KCNC4: variants seen among roughly 807,000 people sequenced by gnomAD.
KCNC4 encodes voltage-gated potassium channel KCNC4.
Under a neutral mutation model 42.8 loss-of-function variants are expected in KCNC4, and 23 were observed. That is an observed-to-expected ratio of 0.54 (90% CI 0.39 to 0.76). KCNC4 has a LOEUF of 0.76. Ranked by LOEUF, KCNC4 falls within the 30% of genes least tolerant of loss-of-function variation. KCNC4 has a pLI of 0.00. For synonymous variants in KCNC4, 422 were observed against 393.5 expected (o/e 1.07, Z -0.86); for missense variants, 751 against 898.2 (o/e 0.84, Z 2.10).
intron 1 of KCNC4, among the ~76,000 whole-genome samples, chr1:110,215,334 C>T (rs1007894407): frequency 1.3e-5 from 2 of 152,094 alleles, no homozygotes; most frequent in African/African-American, 4.8e-5. Context: ...GGAACAGGTA[C>T]GAGGGGCAGG....
At chr1:110,253,650 T>C (rs979136199), downstream of KCNC4, among the ~76,000 whole-genome samples, 1 of 152,218 alleles carries the variant, frequency 6.6e-6, no homozygotes, top group African/African-American at 2.4e-5. Flanking sequence ...CTCTTTCCTC[T>C]GCTCAGGCCA....
chr1:110,231,994 G>T (rs1305445298), intron 3 of KCNC4, among the ~76,000 whole-genome samples: 2 of 152,156 alleles, frequency 1.3e-5, no homozygotes, highest in African/African-American at 4.8e-5. Context: ...GAGAGCTGCA[G>T]GGGTTGTCCC....
At chr1:110,261,045 A>G (rs564336791) in intron 1 of KCNC4, among the ~76,000 whole-genome samples, 30 of 152,288 alleles carry the variant, frequency 2.0e-4, no homozygotes, top group Non-Finnish European at 3.5e-4. Context: ...AGCTAATGAT[A>G]GCAGAAAATT....
chr1:110,216,050 TGAAGG>T (rs780255431), intron 1 of KCNC4, among the ~76,000 whole-genome samples: 5 of 152,002 alleles, frequency 3.3e-5, no homozygotes, highest in African/African-American at 4.8e-5. Context: ...ATAGGAAAAA[TGAAGG>T]GAGGCGTGGC....
intron 1 of KCNC4, among the ~76,000 whole-genome samples, chr1:110,254,372 C>A (rs1027160043): frequency 2.0e-5 from 3 of 152,206 alleles, no homozygotes; most frequent in Non-Finnish European, 4.4e-5. Flanking sequence ...GTGGCATCTT[C>A]ATGTGATTCA....
downstream of KCNC4, chr1:110,234,512 G>C (rs889648637): frequency 6.6e-6 from 1 of 152,294 alleles, no homozygotes; most frequent in East Asian, 1.9e-4. Flanking sequence ...TAGGGATGGA[G>C]AGTGAACACA....
chr1:110,223,980 A>C lies in KCNC4; in HGVS notation c.1615+80A>C. 10 of 1,149,232 alleles carry C rather than the reference A, an allele frequency of 8.7e-6. No homozygotes were observed. The highest frequency in any genetic ancestry group is 1.2e-5 in the Non-Finnish European group (10 of 812,950). The allele number at this position is 1,149,232 out of a possible 1,614,324, so 71.2% of individuals were successfully genotyped here. ...TTCCAAATGGACCTCAGACCTTGGG[A>C]TTTGGCATGTGTTTTGTGTGGGGCT... On this transcript the variant is annotated intron_variant, in intron 2 of 3. Transcript: ENST00000438661. The surrounding 1 kb of genome is among the most constrained non-coding windows in gnomAD (Gnocchi z 7.5).
chr1:110,259,393 G>A (rs1659388400), intron 1 of KCNC4, among the ~76,000 whole-genome samples: 1 of 152,198 alleles, frequency 6.6e-6, no homozygotes, highest in African/African-American at 2.4e-5. Context: ...GAAGAGCCCA[G>A]ACATTGCTAC....
chr1:110,211,641 G>C lies in KCNC4; in HGVS notation c.142G>C (p.Glu48Gln). 4 of 1,613,818 alleles carry C rather than the reference G, an allele frequency of 2.5e-6. No homozygotes were observed. Among genetic ancestry groups the C allele is most frequent in the Non-Finnish European group, 3.4e-6 (4 of 1,179,932 alleles). The change falls in exon 1 of 4, where the codon GAG becomes CAG. Residue 48 changes from glutamate to glutamine, a missense_variant. Physicochemically the swap from Glu to Gln is conservative, Grantham distance 29. Transcript: ENST00000438661. The surrounding 1 kb of genome is among the most constrained non-coding windows in gnomAD (Gnocchi z 6.5). ...IIINVGGTRH[E>Q]TYRSTLRTLP... ...CATCAACGTGGGCGGCACGCGACAT[G>C]AGACCTACCGCAGCACCCTGCGCAC...
At chr1:110,232,459 G>A (rs1357967905) in intron 3 of KCNC4, 2 of 1,460,550 alleles carry the variant, frequency 1.4e-6, no homozygotes, top group East Asian at 2.5e-5. Context: ...GTGATGGCCT[G>A]TGAGCCACAG....
chr1:110,261,709 T>G (rs376598887), intron 1 of KCNC4, among the ~76,000 whole-genome samples: 1 of 152,310 alleles, frequency 6.6e-6, no homozygotes, highest in East Asian at 1.9e-4. Context: ...CAAAATGCTG[T>G]GTTGTCATTG....
At chr1:110,230,657 A>G (rs1033070278) in intron 3 of KCNC4, among the ~76,000 whole-genome samples, 4 of 152,186 alleles carry the variant, frequency 2.6e-5, no homozygotes, top group African/African-American at 9.7e-5. Flanking sequence ...AAGATGCAGC[A>G]TTGCCAGGCT....
intron 2 of KCNC4, chr1:110,224,215 G>C (rs1201891481): frequency 9.3e-6 from 3 of 323,192 alleles, no homozygotes; most frequent in Non-Finnish European, 1.7e-5. Context: ...TGTGCCCTGA[G>C]GCCAGTCACT....
At chr1:110,214,896 G>A (rs72988886) in intron 1 of KCNC4, among the ~76,000 whole-genome samples, 4,354 of 152,234 alleles carry the variant, frequency 0.029, 218 homozygotes, top group African/African-American at 0.1. Context: ...TATGCCATGC[G>A]GGGAGTTCTG....
Position 110,211,439 on chromosome 1 carries a change from C to G in KCNC4, c.-61C>G, listed in dbSNP as rs564226668. 1 of 1,527,022 alleles carries G rather than the reference C, an allele frequency of 6.5e-7. No homozygotes were observed. The highest frequency in any genetic ancestry group is 2.0e-5 in the Admixed American group (1 of 49,872). The allele number at this position is 1,527,022 out of a possible 1,614,324, so 94.6% of individuals were successfully genotyped here. On this transcript the variant is annotated 5_prime_UTR_variant, in exon 1 of 4. Coordinates refer to ENST00000438661, the MANE Select transcript of KCNC4 (RefSeq NM_001039574.3). This position sits in a 1 kb window ranked among gnomAD's most constrained non-coding sequence, Gnocchi z 6.5. ...CCCCCTCCCCCGTCTGACGCTGCCT[C>G]CTCGGGAAGGGTGTTTGGAGGGCAG...
exon 4 of KCNC4, chr1:110,239,836 C>G (rs1161670412): frequency 2.0e-5 from 3 of 152,164 alleles, no homozygotes; most frequent in Admixed American, 6.5e-5. Flanking sequence ...TAGAACCTAC[C>G]ATTTTCTACC....
intron 2 of KCNC4, chr1:110,224,981 T>C (rs1057157097): frequency 6.6e-6 from 1 of 152,192 alleles, no homozygotes; most frequent in South Asian, 2.1e-4. Flanking sequence ...CCGGGGGTCA[T>C]GTCAGGGGCC....
chr1:110,244,155 T>C (rs1476130537), exon 4 of KCNC4: 1 of 152,164 alleles, frequency 6.6e-6, no homozygotes, highest in Non-Finnish European at 1.5e-5. Context: ...ACTTTCTAAA[T>C]GGAGGTTTAG....
At chr1:110,246,766 C>CTTTTTTTTTTTTTTTTT (rs61165830) in exon 4 of KCNC4, 39 of 139,264 alleles carry the variant, frequency 2.8e-4, no homozygotes, top group African/African-American at 4.9e-4. Context: ...TTTTTCTTTT[C>CTTTTTTTTTTTTTTTTT]TTTTTTTTTT....
Sources: allele counts gnomAD v4.1 joint callset (sites outside exome capture counted in the v4.1 genomes callset), GRCh38; gene constraint gnomAD v4.1.1; non-coding constraint Gnocchi (gnomAD v3.1); transcripts MANE v1.5; gene names NCBI Gene and HGNC (gene_info 2026-07-23, HGNC 2026-07-21).